The following ARHGEF10L variants were observed in gnomAD, a reference collection of about 807,000 sequenced individuals.
ARHGEF10L encodes the protein Rho guanine nucleotide exchange factor 10 like, also known as rho guanine nucleotide exchange factor 10-like protein.
In ARHGEF10L, 69 loss-of-function variants were observed where a neutral mutation model predicts 141.2. The observed-to-expected ratio is 0.49, with a 90% CI of 0.40 to 0.60. The LOEUF (loss-of-function observed/expected upper bound fraction) is 0.60, where lower values mean the gene tolerates loss of function less well. Ranked by LOEUF, ARHGEF10L falls within the 20% of genes least tolerant of loss-of-function variation. ARHGEF10L has a pLI of 0.00. For synonymous variants in ARHGEF10L, 711 were observed against 718.5 expected, an observed-to-expected ratio of 0.99 and a Z score of 0.17; for missense variants, 1,482 against 1,734.3, an observed-to-expected ratio of 0.85 and a Z score of 2.58.
chr1:17,565,429 G>A (rs1046633954), intron 1 of ARHGEF10L, among the ~76,000 whole-genome samples: 4 of 152,158 alleles, frequency 2.6e-5, no homozygotes, highest in African/African-American at 9.7e-5. Flanking sequence ...CATTGCAGAC[G>A]AACTATCCAT....
chr1:17,529,389 G>A, the ARHGEF10L span, among the ~76,000 whole-genome samples: 1 of 152,188 alleles, frequency 6.6e-6, no homozygotes, highest in African/African-American at 2.4e-5. Flanking sequence ...CTTGTCCTTG[G>A]CAGCCACAGA....
At chr1:17,613,300 T>C in intron 8 of ARHGEF10L, 126 bp downstream of exon 8, 2 of 742,142 alleles carry the variant, frequency 2.7e-6, no homozygotes, top group Non-Finnish European at 4.6e-6. Flanking sequence ...CCCAGGGCTG[T>C]CCTGAGACCT....
chr1:17,628,441 C>T (rs2101621208), intron 15 of ARHGEF10L, among the ~76,000 whole-genome samples: 1 of 152,298 alleles, frequency 6.6e-6, no homozygotes, highest in Middle Eastern at 3.4e-3. Context: ...ACTGGAGTCC[C>T]TCTTCTTCCC....
rs1000635683 is a variant in ARHGEF10L at position 17,579,075 on chromosome 1, C to T, written c.-43-1478C>T. Among the ~76,000 whole-genome samples, 5 of 152,056 alleles carry T rather than the reference C, an allele frequency of 3.3e-5. No individual in the cohort carries two copies. The East Asian group carries it at 9.7e-4, about 29-fold the overall frequency. On this transcript the variant is annotated intron_variant, in intron 1 of 28. Coordinates refer to ENST00000361221, the MANE Select transcript of ARHGEF10L (RefSeq NM_018125.4). The stretch of plus-strand genomic sequence containing the variant: ...TTGCTCTGTTTCCCAGACTGGAGTG[C>T]GGTGGCACGGTCTTGGCTCACTGCA...
At chr1:17,672,873 C>T (rs1046844127) in intron 26 of ARHGEF10L, among the ~76,000 whole-genome samples, 13 of 151,948 alleles carry the variant, frequency 8.6e-5, no homozygotes, top group South Asian at 4.2e-4. Flanking sequence ...GTTGCAAACT[C>T]GGGCCTGGAG....
chr1:17,601,306 G>A (rs866661011), intron 4 of ARHGEF10L, among the ~76,000 whole-genome samples: 5 of 152,164 alleles, frequency 3.3e-5, no homozygotes, highest in Middle Eastern at 3.2e-3. Context: ...GGTTCGGGAC[G>A]TGTCTGCTGG....
At chr1:17,530,860 C>T in the ARHGEF10L span, among the ~76,000 whole-genome samples, 1 of 151,936 alleles carries the variant, frequency 6.6e-6, no homozygotes, top group East Asian at 1.9e-4. Flanking sequence ...CAAAAATTAG[C>T]CGGGCGTGGT....
chr1:17,676,275 T>TGGGTGC (rs2063709634), intron 26 of ARHGEF10L, among the ~76,000 whole-genome samples: 1 of 138,402 alleles, frequency 7.2e-6, no homozygotes, highest in Non-Finnish European at 1.5e-5. Context: ...GGTGCAGGTG[T>TGGGTGC]AGTTGCAGGT....
At chr1:17,632,912 C>T (rs1027416568) in intron 16 of ARHGEF10L, among the ~76,000 whole-genome samples, 2 of 152,214 alleles carry the variant, frequency 1.3e-5, no homozygotes, top group Non-Finnish European at 2.9e-5. Flanking sequence ...CCAGAGGAGC[C>T]TGGTTTGCTG....
At chr1:17,546,141 C>T (rs1273912066) in intron 1 of ARHGEF10L, among the ~76,000 whole-genome samples, 4 of 152,214 alleles carry the variant, frequency 2.6e-5, no homozygotes, top group African/African-American at 9.6e-5. Flanking sequence ...GTGGATCACC[C>T]TGCTTCCCTA....
chr1:17,552,571 G>GTTTTTTTT (rs34766409), intron 1 of ARHGEF10L, among the ~76,000 whole-genome samples: 17 of 44,926 alleles, frequency 3.8e-4, no homozygotes, highest in African/African-American at 5.8e-4. Flanking sequence ...GCTAATTTTC[G>GTTTTTTTT]TTTTTTTTTT....
intron 4 of ARHGEF10L, among the ~76,000 whole-genome samples, chr1:17,600,081 C>T (rs564173931): frequency 1.3e-5 from 2 of 152,306 alleles, no homozygotes; most frequent in Non-Finnish European, 2.9e-5. Flanking sequence ...AAGCTGGCCT[C>T]ATGGTCTGGC....
rs1271333116 is a variant in ARHGEF10L, at chr1:17,625,787, C to A, written c.1318-169C>A. Among the ~76,000 whole-genome samples, 1 of 152,140 alleles carries A rather than the reference C, an allele frequency of 6.6e-6. No individual in the cohort carries two copies. The highest frequency in any genetic ancestry group is 6.5e-5 in the Admixed American group (1 of 15,274). Reference sequence around the variant, plus strand: ...GCAGGGGCACTGGTGGGAGAGGGATCCCTGGCTGCAGAACCACGGACCTCT... The same window carrying A: ...GCAGGGGCACTGGTGGGAGAGGGATACCTGGCTGCAGAACCACGGACCTCT... On this transcript the variant is annotated intron_variant, in intron 13 of 28. Transcript: ENST00000361221. The surrounding 1 kb of genome is among the most constrained non-coding windows in gnomAD (Gnocchi z 4.5).
chr1:17,537,401 C>T (rs750042000), upstream of ARHGEF10L, among the ~76,000 whole-genome samples: 7 of 152,110 alleles, frequency 4.6e-5, no homozygotes, highest in South Asian at 2.1e-4. Flanking sequence ...GAGTGTGCCC[C>T]TAACCTGTGC....
chr1:17,593,054 C>T (rs551977559), intron 4 of ARHGEF10L, among the ~76,000 whole-genome samples: 64 of 152,168 alleles, frequency 4.2e-4, no homozygotes, highest in Non-Finnish European at 8.4e-4. Flanking sequence ...CCTTTGGATC[C>T]CAGGCCCTTT....
At chr1:17,687,828 C>T (rs1358850241) in intron 27 of ARHGEF10L, 81 bp downstream of exon 27, 32 of 1,424,570 alleles carry the variant, frequency 2.2e-5, no homozygotes, top group Non-Finnish European at 3.0e-5. Flanking sequence ...CTGGGCAGCC[C>T]ATCCCATTTT....
chr1:17,564,548 A>T (rs1006400905), intron 1 of ARHGEF10L, among the ~76,000 whole-genome samples: 3 of 152,108 alleles, frequency 2.0e-5, no homozygotes, highest in African/African-American at 4.8e-5. Flanking sequence ...CTCGTGGCTG[A>T]GGTTTTAACC....
At chr1:17,689,895 G>A in intron 27 of ARHGEF10L, 1 of 455,002 alleles carries the variant, frequency 2.2e-6, no homozygotes, top group Non-Finnish European at 4.4e-6. Context: ...CCTGGCTGTA[G>A]TTAGAACAGC....
intron 26 of ARHGEF10L, among the ~76,000 whole-genome samples, chr1:17,674,044 G>A (rs556121840): frequency 3.9e-5 from 6 of 152,276 alleles, no homozygotes; most frequent in African/African-American, 9.6e-5. Context: ...GCGTATGTCC[G>A]CACCATCCTC....
Sources: gnomAD v4.1 joint callset for allele counts (sites outside exome capture counted in the v4.1 genomes callset) on GRCh38, gnomAD v4.1.1 for gene constraint, Gnocchi (gnomAD v3.1) non-coding constraint, MANE v1.5 for transcripts, NCBI Gene and HGNC (gene_info 2026-07-23, HGNC 2026-07-21) for gene names.